Variants in IBTK observed in about 807,000 individuals in gnomAD.
IBTK encodes BTK-binding protein.
A neutral mutation model predicts 154.9 loss-of-function variants in IBTK; 83 were observed. That is an observed-to-expected ratio of 0.54 (90% confidence interval 0.45 to 0.64). IBTK has a LOEUF of 0.64. Among genes scored for constraint, IBTK ranks in the 30% least tolerant of loss-of-function variants. IBTK has a pLI of 0.00. For missense variants in IBTK, 1,332 were observed against 1,584.6 expected, an observed-to-expected ratio of 0.84 and a Z score of 2.71; for synonymous variants, 515 against 536.1, an observed-to-expected ratio of 0.96 and a Z score of 0.54.
At chr6:82,185,677 C>G (rs1768525770) in intron 25 of IBTK, among the ~76,000 whole-genome samples, 1 of 151,354 alleles carries the variant, frequency 6.6e-6, no homozygotes, top group Admixed American at 6.6e-5. Flanking sequence ...AAGTGATATA[C>G]TGAATTATGT....
chr6:82,244,149 A>G (rs556808308), intron 1 of IBTK, among the ~76,000 whole-genome samples: 51 of 152,342 alleles, frequency 3.3e-4, no homozygotes, highest in African/African-American at 1.1e-3. Context: ...CTATAATGAT[A>G]AATGAAACTA....
Position 82,171,311 on chromosome 6 carries a change from T to C in IBTK, c.*114A>G, listed in dbSNP as rs1767921341. On this transcript the variant is annotated 3_prime_UTR_variant, in exon 29 of 29. Coordinates refer to ENST00000306270, the MANE Select transcript of IBTK (RefSeq NM_015525.4). ...TTAACTGCAGTAAAGAAATTATATC[T>C]TTTCTTAATCTATTTAGAATGATAT... 1 of 748,502 alleles carries C rather than the reference T, an allele frequency of 1.3e-6. No individual in the cohort carries two copies. Among genetic ancestry groups the C allele is most frequent in the South Asian group, 2.8e-5 (1 of 35,788 alleles). The allele number at this position is 748,502 out of a possible 1,614,324, so 46.4% of individuals were successfully genotyped here. A position where few individuals can be genotyped will look rare whatever the true frequency, so the allele number is the denominator to read the frequency against.
chr6:82,220,270 T>G (rs1770050174), intron 9 of IBTK, among the ~76,000 whole-genome samples: 1 of 152,206 alleles, frequency 6.6e-6, no homozygotes, highest in East Asian at 1.9e-4. Context: ...CAATTCAGTG[T>G]CATTTATCAG....
intron 18 of IBTK, 122 bp downstream of exon 18, chr6:82,202,406 T>A: frequency 1.5e-6 from 1 of 678,426 alleles, no homozygotes; most frequent in Non-Finnish European, 2.6e-6. Context: ...ATCATCAGCA[T>A]TGATCAAATT....
At chr6:82,173,679 A>AT (rs1331531511) in intron 26 of IBTK, 1 of 232,644 alleles carries the variant, frequency 4.3e-6, no homozygotes, top group Non-Finnish European at 8.2e-6. Flanking sequence ...TAATAAATAT[A>AT]TATATACACA....
At chr6:82,225,751 T>C (rs1016182241) in intron 5 of IBTK, 104 bp from the exon 6 acceptor site, 13 of 811,746 alleles carry the variant, frequency 1.6e-5, no homozygotes, top group Middle Eastern at 2.4e-4. Flanking sequence ...ATGACATGAC[T>C]GATACATGGC....
At chr6:82,208,583 A>T (rs1024178478) in intron 16 of IBTK, among the ~76,000 whole-genome samples, 3 of 151,946 alleles carry the variant, frequency 2.0e-5, no homozygotes, top group African/African-American at 7.3e-5. Context: ...CTCTAAAAAA[A>T]TTTTTACAAA....
intron 1 of IBTK, among the ~76,000 whole-genome samples, chr6:82,242,869 G>A (rs1771005381): frequency 2.6e-5 from 4 of 151,564 alleles, no homozygotes; most frequent in Non-Finnish European, 5.9e-5. Flanking sequence ...CCCAGGAGGT[G>A]GAGGCTGCAG....
chr6:82,217,736 A>C (rs1769923868), intron 10 of IBTK, among the ~76,000 whole-genome samples: 1 of 152,186 alleles, frequency 6.6e-6, no homozygotes, highest in Admixed American at 6.5e-5. Context: ...GAGTGACTAC[A>C]ATGCGCCAGG....
chr6:82,240,933 G>A, intron 1 of IBTK, 90 bp from the exon 2 acceptor site: 1 of 399,186 alleles, frequency 2.5e-6, no homozygotes, highest in Non-Finnish European at 4.4e-6. Flanking sequence ...TCCATATTTA[G>A]ATGCCCTTAA....
Position 82,223,542 on chromosome 6 carries a change from G to C in IBTK, c.1022C>G (p.Ala341Gly), listed in dbSNP as rs764295771. ...QVSALHHKDI[A>G]LSLVAASDGA... ...ATCACTTGCAGCAACCAAAGACAGA[G>C]CAATGTCTTTATGGTGAAGGGCAGA... Residue 341 changes from alanine (A) to glycine (G), a missense_variant, in exon 8 of 29, where the codon GCT (alanine) becomes GGT (glycine). Ala to Gly is a moderately conservative substitution (Grantham distance 60). Transcript: ENST00000306270. The C allele has an allele frequency of 3.1e-6, 5 of 1,614,050 alleles. No homozygotes were observed. The highest frequency in any genetic ancestry group is 4.2e-6 in the Non-Finnish European group (5 of 1,179,910).
In IBTK at chr6:82,191,778, T is replaced by C; in HGVS notation, c.3431+9A>G. 1.3e-6 allele frequency: 2 copies of C among 1,513,860 alleles called. No individual in the cohort carries two copies. Among genetic ancestry groups the C allele is most frequent in the Non-Finnish European group, 1.8e-6 (2 of 1,088,734 alleles). The allele number at this position is 1,513,860 out of a possible 1,614,324, so 93.8% of individuals were successfully genotyped here. ...CATGAAATGATCTTTTGTAATGTTT[T>C]CAACCCACCCTAAATGTGACTTTGG... On this transcript the variant is annotated intron_variant, in intron 24 of 28. Transcript: ENST00000306270.
chr6:82,232,874 C>T (rs1043028705), intron 3 of IBTK, among the ~76,000 whole-genome samples: 21 of 152,038 alleles, frequency 1.4e-4, no homozygotes, highest in Admixed American at 9.8e-4. Flanking sequence ...AAAAATTGGC[C>T]GCACGCAGTG....
intron 2 of IBTK, among the ~76,000 whole-genome samples, chr6:82,234,574 T>G (rs1770647502): frequency 6.6e-6 from 1 of 152,022 alleles, no homozygotes; most frequent in Non-Finnish European, 1.5e-5. Context: ...TGACCTCAGG[T>G]GATCCACCTG....
intron 19 of IBTK, 66 bp downstream of exon 19, chr6:82,201,356 C>T: frequency 9.1e-7 from 1 of 1,104,550 alleles, no homozygotes; most frequent in Non-Finnish European, 1.3e-6. Flanking sequence ...ATTAATAAGT[C>T]TGATCTAATA....
chr6:82,181,677 A>T (rs1337313191), intron 26 of IBTK, among the ~76,000 whole-genome samples: 3 of 152,190 alleles, frequency 2.0e-5, no homozygotes, highest in Non-Finnish European at 4.4e-5. Flanking sequence ...TACGCAATTG[A>T]TTTTAAGTCA....
chr6:82,218,629 T>C (rs1390959773), intron 9 of IBTK, among the ~76,000 whole-genome samples: 1 of 152,156 alleles, frequency 6.6e-6, no homozygotes, highest in Non-Finnish European at 1.5e-5. Flanking sequence ...AATTCAATGG[T>C]TGTAAATGGT....
chr6:82,216,577 T>C (rs549844377), intron 10 of IBTK, among the ~76,000 whole-genome samples: 3 of 152,310 alleles, frequency 2.0e-5, no homozygotes, highest in East Asian at 1.9e-4. Context: ...TTTCAACTTA[T>C]ACTTCCTGTT....
intron 4 of IBTK, among the ~76,000 whole-genome samples, chr6:82,228,085 C>A (rs1382305496): frequency 6.6e-6 from 1 of 151,998 alleles, no homozygotes; most frequent in Non-Finnish European, 1.5e-5. Flanking sequence ...CCACATTTTG[C>A]TATTTTCCAA....
Sources: gnomAD v4.1 joint callset for allele counts (sites outside exome capture counted in the v4.1 genomes callset) on GRCh38, gnomAD v4.1.1 for gene constraint, MANE v1.5 for transcripts, NCBI Gene and HGNC (gene_info 2026-07-23, HGNC 2026-07-21) for gene names.